The following PLCB4 variants were observed in gnomAD, a reference collection of about 807,000 sequenced individuals.
The protein encoded by PLCB4 is 1-phosphatidylinositol 4,5-bisphosphate phosphodiesterase beta-4.
A neutral mutation model predicts 178.8 loss-of-function variants in PLCB4; 77 were observed. The observed-to-expected ratio is 0.43, with a 90% CI of 0.36 to 0.52. The LOEUF is 0.52. Ranked by LOEUF, PLCB4 falls within the 20% of genes least tolerant of loss-of-function variation. The pLI is 0.00. For synonymous variants in PLCB4, 496 were observed against 490.8 expected, an observed-to-expected ratio of 1.01 and a Z score of -0.14; for missense variants, 1,024 against 1,453.4, an observed-to-expected ratio of 0.70 and a Z score of 4.80.
intron 2 of PLCB4, among the ~76,000 whole-genome samples, chr20:9,209,868 G>A (rs919613088): frequency 9.3e-5 from 14 of 150,298 alleles, no homozygotes; most frequent in Admixed American, 1.3e-4. Context: ...GGAAGCTGAG[G>A]CAGGAGAATG....
At chr20:9,172,796 A>G (rs1416025895) in intron 2 of PLCB4, among the ~76,000 whole-genome samples, 2 of 152,170 alleles carry the variant, frequency 1.3e-5, no homozygotes, top group Admixed American at 6.5e-5. Context: ...ATTAAGGCAA[A>G]ATAATCTGGG....
intron 3 of PLCB4, among the ~76,000 whole-genome samples, chr20:9,270,239 T>G (rs1449880046): frequency 6.6e-6 from 1 of 152,204 alleles, no homozygotes; most frequent in African/African-American, 2.4e-5. Flanking sequence ...TATATTAGAT[T>G]TGACAAATTC....
intron 28 of PLCB4, among the ~76,000 whole-genome samples, chr20:9,424,652 A>G (rs2040870375): frequency 6.6e-6 from 1 of 152,318 alleles, no homozygotes; most frequent in African/African-American, 2.4e-5. Context: ...GATCTTGGGA[A>G]GAGGATGTAA....
At chr20:9,111,861 G>C (rs147157241) in intron 2 of PLCB4, among the ~76,000 whole-genome samples, 1 of 152,114 alleles carries the variant, frequency 6.6e-6, no homozygotes, top group Non-Finnish European at 1.5e-5. Flanking sequence ...GATTTAAAAT[G>C]GGATATTGCC....
Position 9,090,708 on chromosome 20 carries a change from G to A in PLCB4, c.-134-5579G>A, listed in dbSNP as rs539077505. Among the ~76,000 whole-genome samples, 8 of 152,152 alleles carry A rather than the reference G, an allele frequency of 5.3e-5. No individual in the cohort carries two copies. The South Asian group carries it at 1.7e-3, about 32-fold the overall frequency. ...TCATCACAGACTGTGAGCATATTGT[G>A]TATAAATAATTACCAAATGTTTCGG... On this transcript the variant is annotated intron_variant, in intron 1 of 39. Transcript: ENST00000378473.
intron 12 of PLCB4, among the ~76,000 whole-genome samples, chr20:9,378,421 G>A (rs67980970): frequency 2.6e-5 from 4 of 151,980 alleles, no homozygotes; most frequent in Non-Finnish European, 5.9e-5. Context: ...AGATGGGTTT[G>A]TTGTTGTTGT....
intron 20 of PLCB4, among the ~76,000 whole-genome samples, chr20:9,403,850 A>G (rs1292903788): frequency 6.6e-6 from 1 of 152,240 alleles, no homozygotes; most frequent in East Asian, 1.9e-4. Context: ...AATTTAACAA[A>G]TGCTACTGAC....
At chr20:9,296,692 G>T (rs1425015448) in intron 3 of PLCB4, among the ~76,000 whole-genome samples, 4 of 152,148 alleles carry the variant, frequency 2.6e-5, no homozygotes, top group Non-Finnish European at 5.9e-5. Context: ...AAAAGGATGA[G>T]TTCATGTCCT....
chr20:9,209,919 G>A (rs1224342849), intron 2 of PLCB4, among the ~76,000 whole-genome samples: 1 of 137,208 alleles, frequency 7.3e-6, no homozygotes, highest in Non-Finnish European at 1.5e-5. Flanking sequence ...AGTCGAGATC[G>A]AGCCACTGAA....
chr20:9,246,142 CTA>C (rs2094123116), intron 3 of PLCB4, among the ~76,000 whole-genome samples: 1 of 152,086 alleles, frequency 6.6e-6, no homozygotes, highest in Non-Finnish European at 1.5e-5. Flanking sequence ...CTGTTAAACA[CTA>C]TTTTGAATAA....
At chr20:9,174,750 C>T (rs1430329609) in intron 2 of PLCB4, among the ~76,000 whole-genome samples, 3 of 152,156 alleles carry the variant, frequency 2.0e-5, no homozygotes, top group Non-Finnish European at 2.9e-5. Context: ...AAATGATATA[C>T]ATTTTGAACT....
intron 2 of PLCB4, among the ~76,000 whole-genome samples, chr20:9,212,000 A>C (rs2093678249): frequency 6.6e-6 from 1 of 152,222 alleles, no homozygotes; most frequent in Non-Finnish European, 1.5e-5. Context: ...CCCACTGTAC[A>C]TTCATGGCTT....
intron 38 of PLCB4, among the ~76,000 whole-genome samples, chr20:9,473,774 C>T (rs906358287): frequency 3.9e-5 from 6 of 152,038 alleles, no homozygotes; most frequent in Non-Finnish European, 7.4e-5. Flanking sequence ...AATCTGAAAA[C>T]GAAGTTTAAA....
At chr20:9,262,687 A>G (rs1315671725) in intron 3 of PLCB4, among the ~76,000 whole-genome samples, 1 of 152,178 alleles carries the variant, frequency 6.6e-6, no homozygotes, top group Non-Finnish European at 1.5e-5. Context: ...GTACTGTTGG[A>G]TATGGACATG....
chr20:9,423,701 T>C, intron 27 of PLCB4, 47 bp from the exon 28 acceptor site: 1 of 1,453,544 alleles, frequency 6.9e-7, no homozygotes. Context: ...TCATGGTTCT[T>C]GGGCGCTGCA....
rs991358605 is a variant in PLCB4, at chr20:9,169,835, G to A, written c.-78-47555G>A. On this transcript the variant is annotated intron_variant, in intron 2 of 39. Transcript: ENST00000378473. ...GTATTCACCTCCTAGATTCTACCAT[G>A]AACACTTTATTGCCTTTATTATCTG... Among the ~76,000 whole-genome samples, 3 of 152,018 alleles carry A rather than the reference G, an allele frequency of 2.0e-5. No individual in the cohort carries two copies. The East Asian group carries it at 5.8e-4, about 29-fold the overall frequency.
intron 7 of PLCB4, among the ~76,000 whole-genome samples, chr20:9,355,891 G>A (rs1259729731): frequency 6.6e-6 from 1 of 152,168 alleles, no homozygotes; most frequent in Non-Finnish European, 1.5e-5. Flanking sequence ...CACAATGGTT[G>A]AACTAGTCCA....
At chr20:9,379,243 G>A (rs903842966) in intron 12 of PLCB4, among the ~76,000 whole-genome samples, 1 of 152,088 alleles carries the variant, frequency 6.6e-6, no homozygotes, top group Non-Finnish European at 1.5e-5. Context: ...GAGTAAGTTA[G>A]TAAACTGGGT....
chr20:9,374,925 CT>C (rs368203649), intron 12 of PLCB4, among the ~76,000 whole-genome samples: 1 of 151,836 alleles, frequency 6.6e-6, no homozygotes, highest in Non-Finnish European at 1.5e-5. Context: ...CAATAGTATT[CT>C]TTTTTTTAAT....
Sources: gnomAD v4.1 joint callset for allele counts (sites outside exome capture counted in the v4.1 genomes callset) on GRCh38, gnomAD v4.1.1 for gene constraint, MANE v1.5 for transcripts, NCBI Gene and HGNC (gene_info 2026-07-23, HGNC 2026-07-21) for gene names.